ATXN7: variants seen among roughly 807,000 people sequenced by gnomAD.
The protein encoded by ATXN7 is ataxin-7.
ATXN7 carries 12 observed loss-of-function variants against 70.5 expected under a neutral mutation model. The observed-to-expected ratio is 0.17, with a 90% CI of 0.11 to 0.28. The LOEUF (loss-of-function observed/expected upper bound fraction) is 0.28, where lower values mean the gene tolerates loss of function less well. ATXN7 is among the 10% of genes least tolerant of loss of function. The pLI is 1.00. For missense variants in ATXN7, 1,256 were observed against 1,131.7 expected (o/e 1.11, Z -1.58); for synonymous variants, 498 against 448.7 (o/e 1.11, Z -1.39).
intron 1 of ATXN7, among the ~76,000 whole-genome samples, chr3:63,882,074 C>T (rs1175282822): frequency 6.6e-6 from 1 of 152,158 alleles, no homozygotes. Context: ...CCCAGTGTGA[C>T]AGTGTTTGAA....
intron 5 of ATXN7, among the ~76,000 whole-genome samples, chr3:63,952,835 C>CTGTTTTTTTTTTT (rs2074976924): frequency 2.0e-5 from 1 of 49,164 alleles, no homozygotes; most frequent in Non-Finnish European, 3.6e-5. Flanking sequence ...ATGCATGGGC[C>CTGTTTTTTTTTTT]TTTTTTTTTT....
intron 8 of ATXN7, among the ~76,000 whole-genome samples, chr3:63,984,506 A>G (rs923161939): frequency 6.6e-6 from 1 of 152,138 alleles, no homozygotes; most frequent in African/African-American, 2.4e-5. Context: ...TGTCCACATC[A>G]TGATCACAAC....
intron 5 of ATXN7, among the ~76,000 whole-genome samples, chr3:63,963,948 C>T (rs995777409): frequency 2.0e-5 from 3 of 152,086 alleles, no homozygotes; most frequent in Non-Finnish European, 4.4e-5. Flanking sequence ...TCCAAAAAGG[C>T]TGTAATGCTT....
At chr3:63,900,949 T>G (rs370971220) in intron 2 of ATXN7, 1 of 152,262 alleles carries the variant, frequency 6.6e-6, no homozygotes, top group Non-Finnish European at 1.5e-5. Context: ...CGGTCCATGA[T>G]CCATCTAATG....
intron 5 of ATXN7, among the ~76,000 whole-genome samples, chr3:63,964,194 C>A (rs925554512): frequency 6.6e-6 from 1 of 151,784 alleles, no homozygotes; most frequent in Non-Finnish European, 1.5e-5. Context: ...AGAGATCTTT[C>A]AAAACGAGTG....
intron 5 of ATXN7, among the ~76,000 whole-genome samples, chr3:63,964,254 A>G (rs151073344): frequency 1.3e-4 from 20 of 152,308 alleles, no homozygotes; most frequent in African/African-American, 3.4e-4. Context: ...TCGGGCGTCT[A>G]TGGGAAGTTT....
rs367772998 is a variant in ATXN7, at chr3:63,995,572, G to T, written c.1750G>T (p.Val584Leu). Residue 584 changes from valine (V) to leucine (L), a missense_variant, in exon 12 of 13, where the codon GTG (valine) becomes TTG (leucine). Val to Leu is a conservative substitution (Grantham distance 32). Transcript: ENST00000674280. ...ACGTATTCCTCACCGGACAAACTCT[G>T]TGCCGACATCACAATGTGGAGTCAG... ...STRIPHRTNS[V>L]PTSQCGVSYL... 8.7e-6 allele frequency: 14 copies of T among 1,614,118 alleles called. No homozygotes were observed. Among genetic ancestry groups the T allele is most frequent in the Non-Finnish European group, 1.2e-5 (14 of 1,180,036 alleles).
chr3:63,982,097 A>G, intron 6 of ATXN7, 89 bp from the exon 7 acceptor site: 1 of 1,573,426 alleles, frequency 6.4e-7, no homozygotes, highest in Non-Finnish European at 8.7e-7. Context: ...GGGTAGGCCC[A>G]GGCTCTATCC....
intron 4 of ATXN7, among the ~76,000 whole-genome samples, chr3:63,944,536 G>A (rs570580341): frequency 5.3e-5 from 8 of 152,102 alleles, no homozygotes; most frequent in Non-Finnish European, 1.0e-4. Flanking sequence ...GGGATGGTGC[G>A]AGATTTCATC....
chr3:63,958,030 G>C (rs1320669364), intron 5 of ATXN7, among the ~76,000 whole-genome samples: 2 of 152,176 alleles, frequency 1.3e-5, no homozygotes, highest in African/African-American at 4.8e-5. Flanking sequence ...GAGTCTGTTG[G>C]TGAGGCTTCA....
In ATXN7 at chr3:63,979,933, C is replaced by T. The variant is rs376789146; in HGVS notation, c.518C>T (p.Ser173Phe). The change falls in exon 6 of 13, where the codon TCC becomes TTC. Residue 173 changes from serine to phenylalanine, a missense_variant. Transcript: ENST00000674280. ...QSHYERRHSS[S>F]SKPPLAVPPT... ...TTTTCAGAAAGAAGACATAGCTCAT[C>T]CAGCAAGCCGCCTTTGGCCGTTCCT... 3.1e-6 allele frequency: 5 copies of T among 1,614,180 alleles called. No homozygotes were observed. Among genetic ancestry groups the T allele is most frequent in the Non-Finnish European group, 3.4e-6 (4 of 1,180,020 alleles).
chr3:63,863,723 GC>G, upstream of ATXN7: 2 of 1,248,474 alleles, frequency 1.6e-6, no homozygotes, highest in Non-Finnish European at 2.0e-6. Flanking sequence ...CTCAGGGGAG[GC>G]CCAGCGGGCC....
intron 4 of ATXN7, among the ~76,000 whole-genome samples, chr3:63,947,355 G>T (rs1439560580): frequency 1.3e-5 from 2 of 152,098 alleles, no homozygotes; most frequent in Non-Finnish European, 2.9e-5. Context: ...GGAGGCCAAG[G>T]TGGGAGGATC....
At chr3:63,901,011 CAAA>C (rs1703619527) in intron 2 of ATXN7, 1 of 152,194 alleles carries the variant, frequency 6.6e-6, no homozygotes, top group Non-Finnish European at 1.5e-5. Context: ...GTTCATTCAA[CAAA>C]CATTTATTGG....
chr3:63,989,918 C>T (rs2075641233), intron 9 of ATXN7, among the ~76,000 whole-genome samples: 2 of 152,156 alleles, frequency 1.3e-5, no homozygotes, highest in Admixed American at 1.3e-4. Context: ...GGATCTGAAC[C>T]ACCCAAATGG....
intron 2 of ATXN7, among the ~76,000 whole-genome samples, chr3:63,898,997 C>T (rs1293612992): frequency 6.6e-6 from 1 of 152,140 alleles, no homozygotes; most frequent in Non-Finnish European, 1.5e-5. Flanking sequence ...GGCTGACAGA[C>T]AGCTCTGTGG....
intron 2 of ATXN7, among the ~76,000 whole-genome samples, chr3:63,899,739 G>A (rs1274380403): frequency 6.6e-6 from 1 of 151,926 alleles, no homozygotes; most frequent in Admixed American, 6.6e-5. Context: ...TCAGCCTCCC[G>A]ACTAGCTGGG....
chr3:63,930,685 C>T (rs1191465833), intron 4 of ATXN7, among the ~76,000 whole-genome samples: 2 of 152,110 alleles, frequency 1.3e-5, no homozygotes, highest in African/African-American at 2.4e-5. Flanking sequence ...CCCACGACCA[C>T]GCCCGGCTAA....
rs2074974149 is a variant in ATXN7 at position 63,952,671 on chromosome 3, T to C, written c.499+188T>C. On this transcript the variant is annotated intron_variant, in intron 5 of 12. Transcript: ENST00000674280. ...ATTTTTAAATTTTTATTAAAAGTGA[T>C]AGGAATTTTTTGACTTTTATTGAAA... is the stretch of plus-strand genomic sequence containing the variant. 2.0e-5 allele frequency among the ~76,000 whole-genome samples: 3 copies of C among 152,108 alleles called. No homozygotes were observed. The South Asian group carries it at 6.2e-4, about 32-fold the overall frequency.
Sources: allele counts gnomAD v4.1 joint callset (sites outside exome capture counted in the v4.1 genomes callset), GRCh38; gene constraint gnomAD v4.1.1; transcripts MANE v1.5; gene names NCBI Gene and HGNC (gene_info 2026-07-23, HGNC 2026-07-21).